PLOD1: variants seen among roughly 807,000 people sequenced by gnomAD.
PLOD1 encodes lysine hydroxylase.
Under a neutral mutation model 94.7 loss-of-function variants are expected in PLOD1, and 70 were observed. The ratio of observed to expected loss-of-function variants is 0.74; its 90% CI spans 0.61 to 0.90. PLOD1 has a LOEUF of 0.90. Among genes scored for constraint, PLOD1 ranks in the 40% least tolerant of loss-of-function variants. The probability of loss-of-function intolerance (pLI) is 0.00; values close to 1 mark genes in which losing one functional copy is unlikely to be tolerated. For synonymous variants in PLOD1, 417 were observed against 400.2 expected, an observed-to-expected ratio of 1.04 and a Z score of -0.50; for missense variants, 905 against 972.7, an observed-to-expected ratio of 0.93 and a Z score of 0.93.
intron 16 of PLOD1, among the ~76,000 whole-genome samples, chr1:11,968,599 C>T (rs1645838835): frequency 6.7e-6 from 1 of 149,560 alleles, no homozygotes; most frequent in African/African-American, 2.5e-5. Context: ...CTGCAACCTC[C>T]GCCTCCCAGG....
chr1:11,935,315 T>TC (rs1645570520), intron 1 of PLOD1, among the ~76,000 whole-genome samples: 1 of 151,944 alleles, frequency 6.6e-6, no homozygotes, highest in Admixed American at 6.6e-5. Context: ...CACCCAGGTG[T>TC]CTGGTTCCAG....
intron 14 of PLOD1, among the ~76,000 whole-genome samples, chr1:11,965,833 G>T (rs961885138): frequency 5.9e-5 from 9 of 152,188 alleles, no homozygotes; most frequent in Admixed American, 5.9e-4. Context: ...TTGTGGCCTA[G>T]ATCTGCCATC....
intron 1 of PLOD1, among the ~76,000 whole-genome samples, chr1:11,938,813 C>A (rs1645596962): frequency 6.6e-6 from 1 of 152,034 alleles, no homozygotes; most frequent in African/African-American, 2.4e-5. Context: ...TTGGGGGCTC[C>A]CAATGAGAGG....
intron 1 of PLOD1, chr1:11,944,605 C>T (rs376231018): frequency 1.5e-5 from 21 of 1,364,110 alleles, no homozygotes; most frequent in African/African-American, 8.9e-5. Context: ...GGCAGGAGCT[C>T]GGGGGAGCCC....
intron 1 of PLOD1, among the ~76,000 whole-genome samples, chr1:11,943,004 T>C (rs1299049416): frequency 6.6e-6 from 1 of 152,174 alleles, no homozygotes; most frequent in Non-Finnish European, 1.5e-5. Context: ...TTTTTGTTTT[T>C]GAGATGGAGA....
At chr1:11,964,331 G>GGGGGGGC in intron 12 of PLOD1, 31 bp downstream of exon 12, 2 of 1,456,166 alleles carry the variant, frequency 1.4e-6, no homozygotes, top group Non-Finnish European at 1.9e-6. Flanking sequence ...GGTGGGTGGG[G>GGGGGGGC]GACACCTTCA....
At chr1:11,954,519 T>G in intron 5 of PLOD1, 1 of 641,138 alleles carries the variant, frequency 1.6e-6, no homozygotes. Context: ...GCTATGTGCG[T>G]GTAGTGGAGT....
rs1034720634 is a variant in PLOD1 at position 11,957,505 on chromosome 1, T to C, written c.742-337T>C. On this transcript the variant is annotated intron_variant, in intron 7 of 18. Coordinates refer to ENST00000196061, the MANE Select transcript of PLOD1 (RefSeq NM_000302.4). The surrounding 1 kb of genome is among the most constrained non-coding windows in gnomAD (Gnocchi z 4.1). Reference sequence around the variant, plus strand: ...ATATTTGAGTGTGGTCCTTCACCGCTGGAATGAGGGAGAGGAAGGAGGATG... The same window carrying C: ...ATATTTGAGTGTGGTCCTTCACCGCCGGAATGAGGGAGAGGAAGGAGGATG... Among the ~76,000 whole-genome samples the C allele has an allele frequency of 1.3e-5, 2 of 152,138 alleles. No homozygotes were observed. Among genetic ancestry groups the C allele is most frequent in the Admixed American group, 1.3e-4 (2 of 15,272 alleles).
intron 1 of PLOD1, among the ~76,000 whole-genome samples, chr1:11,935,489 T>A (rs1046677800): frequency 6.6e-6 from 1 of 152,034 alleles, no homozygotes; most frequent in African/African-American, 2.4e-5. Flanking sequence ...CTGCAGTTTA[T>A]TTTTTTTATT....
At position 11,950,493 on chromosome 1, in the gene PLOD1, G is replaced by A. The variant is rs1645692682; in HGVS notation, c.439G>A (p.Asp147Asn). The change falls in exon 4 of 19, where the codon GAT becomes AAT. Residue 147 changes from aspartate to asparagine, a missense_variant. Physicochemically the swap from Asp to Asn is conservative, Grantham distance 23. Transcript: ENST00000196061. Reference sequence around the variant, plus strand: ...GGAGACCAAGTATCCGGTGGTGTCCGATGGCAAGAGGTTCCTGGGCTCTGG... The same window carrying A: ...GGAGACCAAGTATCCGGTGGTGTCCAATGGCAAGAGGTTCCTGGGCTCTGG... ...RLETKYPVVS[D>N]GKRFLGSGGF... The A allele has an allele frequency of 5.0e-6, 8 of 1,614,098 alleles. No homozygotes were observed. Among genetic ancestry groups the A allele is most frequent in the Non-Finnish European group, 6.8e-6 (8 of 1,179,996 alleles).
chr1:11,974,944 A>C lies in PLOD1; in HGVS notation c.*136A>C. ...CTTCCCATTGCTCTTGGAGCCACCA[A>C]TCAAAGAGATTCAAAGAGATTCCTG... On this transcript the variant is annotated 3_prime_UTR_variant, in exon 19 of 19. Coordinates refer to ENST00000196061, the MANE Select transcript of PLOD1 (RefSeq NM_000302.4). 1 of 849,648 alleles carries C rather than the reference A, an allele frequency of 1.2e-6. No homozygotes were observed. The highest frequency in any genetic ancestry group is 2.0e-6 in the Non-Finnish European group (1 of 489,546). The allele number at this position is 849,648 out of a possible 1,614,324, so 52.6% of individuals were successfully genotyped here.
chr1:11,973,971 G>A lies in PLOD1; in HGVS notation c.2029-682G>A, dbSNP rs543690380. ...TAGTGGGTAGAAGTCAGAGATGCCC[G>A]GGACAGCCTTCCACAGCAAAGTGTC... On this transcript the variant is annotated intron_variant, in intron 18 of 18. Transcript: ENST00000196061. 5.3e-5 allele frequency among the ~76,000 whole-genome samples: 8 copies of A among 152,210 alleles called. No individual in the cohort carries two copies. The South Asian group carries it at 1.0e-3, about 20-fold the overall frequency.
intron 16 of PLOD1, among the ~76,000 whole-genome samples, chr1:11,967,616 A>ATATATATATATGTATATATATATATAT (rs35226154): frequency 1.3e-5 from 1 of 75,144 alleles, no homozygotes; most frequent in African/African-American, 6.5e-5. Flanking sequence ...TATATATATA[A>ATATATATATATGTATATATATATATAT]AAAGAAATAT....
intron 1 of PLOD1, among the ~76,000 whole-genome samples, chr1:11,935,888 G>A (rs1645574794): frequency 2.0e-5 from 3 of 152,120 alleles, no homozygotes; most frequent in African/African-American, 7.2e-5. Flanking sequence ...CTCCCAAAAT[G>A]TTTGGATTAC....
At chr1:11,964,134 A>G (rs1320144495) in intron 11 of PLOD1, 41 bp from the exon 12 acceptor site, 2 of 1,609,832 alleles carry the variant, frequency 1.2e-6, no homozygotes, top group African/African-American at 2.7e-5. Flanking sequence ...TCCTACTCCC[A>G]GTGGGCAGCG....
chr1:11,974,917 G>T lies in PLOD1; in HGVS notation c.*109G>T. 9.7e-7 allele frequency: 1 copy of T among 1,031,174 alleles called. No individual in the cohort carries two copies. Among genetic ancestry groups the T allele is most frequent in the South Asian group, 1.3e-5 (1 of 79,082 alleles). 63.9% of individuals were successfully genotyped at this position (1,031,174 alleles called of 1,614,324 possible). The stretch of plus-strand genomic sequence containing the variant: ...AACCCAGTCCAGCCTCCTGGCTGTT[G>T]ACTTCCCATTGCTCTTGGAGCCACC... On this transcript the variant is annotated 3_prime_UTR_variant, in exon 19 of 19. Transcript: ENST00000196061.
intron 17 of PLOD1, among the ~76,000 whole-genome samples, chr1:11,971,271 C>G (rs1645861905): frequency 1.6e-5 from 1 of 62,728 alleles, no homozygotes; most frequent in Non-Finnish European, 3.0e-5. Context: ...GCTGGAGAGT[C>G]TGGCAAGGGG....
chr1:11,949,195 T>C (rs1439183180), intron 2 of PLOD1, among the ~76,000 whole-genome samples: 1 of 152,118 alleles, frequency 6.6e-6, no homozygotes, highest in Non-Finnish European at 1.5e-5. Context: ...GCCTGCAGAC[T>C]GTTCTGTTTT....
chr1:11,954,319 A>C, intron 5 of PLOD1: 1 of 312,334 alleles, frequency 3.2e-6, no homozygotes, highest in Non-Finnish European at 6.3e-6. Flanking sequence ...GCAAAAAAAA[A>C]AAAAAAAAAA....
Sources: gnomAD v4.1 joint callset for allele counts (sites outside exome capture counted in the v4.1 genomes callset) on GRCh38, gnomAD v4.1.1 for gene constraint, Gnocchi (gnomAD v3.1) non-coding constraint, MANE v1.5 for transcripts, NCBI Gene and HGNC (gene_info 2026-07-23, HGNC 2026-07-21) for gene names.